Variants in PCDHGB4 observed in about 807,000 individuals in gnomAD.
PCDHGB4 encodes the protein protocadherin gamma-B4.
PCDHGB4 carries 38 observed loss-of-function variants against 60.5 expected under a neutral mutation model. That is an observed-to-expected ratio of 0.63 (90% CI 0.48 to 0.82). The LOEUF is 0.82. PCDHGB4 is among the 40% of genes least tolerant of loss of function. The pLI, the probability that PCDHGB4 is intolerant of heterozygous loss-of-function variation, is 0.00. For missense variants in PCDHGB4, 1,109 were observed against 1,209.6 expected (o/e 0.92, Z 1.23); for synonymous variants, 456 against 509.7 (o/e 0.89, Z 1.42).
At chr5:141,451,712 C>G (rs769620335) in intron 1 of PCDHGB4, among the ~76,000 whole-genome samples, 2 of 151,994 alleles carry the variant, frequency 1.3e-5, no homozygotes, top group African/African-American at 4.8e-5. Context: ...CAAAACCCTG[C>G]CTCTACTAAA....
intron 1 of PCDHGB4, among the ~76,000 whole-genome samples, chr5:141,401,860 A>G (rs2094201565): frequency 6.6e-6 from 1 of 152,182 alleles, no homozygotes. Flanking sequence ...TTAACCTTTC[A>G]GTAGTTTTCT....
Position 141,489,680 on chromosome 5 carries a change from C to T in PCDHGB4, c.2398-5127C>T, listed in dbSNP as rs758765306. On this transcript the variant is annotated intron_variant, in intron 1 of 3. Coordinates refer to ENST00000519479, the MANE Select transcript of PCDHGB4 (RefSeq NM_003736.4). This position sits in a 1 kb window ranked among gnomAD's most constrained non-coding sequence, Gnocchi z 4.5. ...GAGATGCGCATCTCAGAATCAGCAG[C>T]ATCTGGGGCACGATTCCCACTGGAC... 2 of 1,614,070 alleles carry T rather than the reference C, an allele frequency of 1.2e-6. No individual in the cohort carries two copies. The highest frequency in any genetic ancestry group is 2.2e-5 in the East Asian group (1 of 44,886).
intron 1 of PCDHGB4, among the ~76,000 whole-genome samples, chr5:141,459,014 T>G (rs1429233660): frequency 6.6e-6 from 1 of 152,240 alleles, no homozygotes; most frequent in Non-Finnish European, 1.5e-5. Flanking sequence ...ATTACAGGCA[T>G]GAGCCACCAC....
At chr5:141,391,803 G>A (rs953210867) in intron 1 of PCDHGB4, 5 of 152,172 alleles carry the variant, frequency 3.3e-5, no homozygotes, top group African/African-American at 1.2e-4. Flanking sequence ...TTAGATCAAA[G>A]TGTTAATGTA....
rs781267293 is a variant in PCDHGB4 at position 141,489,926 on chromosome 5, C to T, written c.2398-4881C>T. 1.2e-6 allele frequency: 2 copies of T among 1,614,222 alleles called. No individual in the cohort carries two copies. The highest frequency in any genetic ancestry group is 2.2e-5 in the East Asian group (1 of 44,878). On this transcript the variant is annotated intron_variant, in intron 1 of 3. Coordinates refer to ENST00000519479, the MANE Select transcript of PCDHGB4 (RefSeq NM_003736.4). The surrounding 1 kb of genome is among the most constrained non-coding windows in gnomAD (Gnocchi z 4.5). Reference sequence around the variant, plus strand: ...GCCCGCTCAGGGACCACCCTTATCTCTGTCATCGTGCTGGACATCAATGAT... The same window carrying T: ...GCCCGCTCAGGGACCACCCTTATCTTTGTCATCGTGCTGGACATCAATGAT...
Position 141,410,050 on chromosome 5 carries a change from C to T in PCDHGB4, c.2397+19769C>T, listed in dbSNP as rs762077790. ...TGCTGCAGGCCAGTGAGCCCGGACT[C>T]TTCAGCCTGGGGCTGCGCACTGGGG... On this transcript the variant is annotated intron_variant, in intron 1 of 3. Coordinates refer to ENST00000519479, the MANE Select transcript of PCDHGB4 (RefSeq NM_003736.4). The T allele has an allele frequency of 6.2e-6, 10 of 1,613,180 alleles. No homozygotes were observed. In the East Asian group the frequency reaches 1.6e-4, roughly 25 times the overall value.
Position 141,389,554 on chromosome 5 carries a change from C to T in PCDHGB4, c.1670C>T (p.Ala557Val). The T allele has an allele frequency of 1.2e-6, 2 of 1,613,184 alleles. No individual in the cohort carries two copies. Among genetic ancestry groups the T allele is most frequent in the South Asian group, 1.1e-5 (1 of 91,074 alleles). The change falls in exon 1 of 4, where the codon GCG (alanine) becomes GTG (valine). Residue 557 changes from alanine (A) to valine (V), a missense_variant. Around this residue, in one of 2 missense-constraint regions of PCDHGB4, gnomAD observed 1,068 missense variants for 1,089.9 expected, o/e 0.98. Coordinates refer to ENST00000519479, the MANE Select transcript of PCDHGB4 (RefSeq NM_003736.4). ...RVLVDDRNDN[A>V]PRVLYPALGP... ...TTAGTGGACGACCGCAACGACAATG[C>T]GCCACGGGTGCTGTACCCCGCGCTG... is the stretch of plus-strand genomic sequence containing the variant.
intron 1 of PCDHGB4, chr5:141,424,522 T>C (rs2096826398): frequency 6.6e-6 from 1 of 152,212 alleles, no homozygotes; most frequent in South Asian, 2.1e-4. Flanking sequence ...ATGTAGTAAA[T>C]CCATATATAG....
At chr5:141,403,901 A>G in intron 1 of PCDHGB4, 3 of 1,613,926 alleles carry the variant, frequency 1.9e-6, no homozygotes, top group Non-Finnish European at 2.5e-6. Context: ...ATTTTATGAA[A>G]TGGAAATACA....
At chr5:141,430,559 G>C in intron 1 of PCDHGB4, 1 of 418,772 alleles carries the variant, frequency 2.4e-6, no homozygotes. Flanking sequence ...CACCAATCGG[G>C]GAGAGAAAAG....
At chr5:141,510,450 T>G (rs1273211856) in intron 3 of PCDHGB4, among the ~76,000 whole-genome samples, 1 of 151,946 alleles carries the variant, frequency 6.6e-6, no homozygotes, top group Non-Finnish European at 1.5e-5. Flanking sequence ...CAGGAGCCCA[T>G]GGTCTAGTGT....
chr5:141,419,514 T>C (rs1180212485), intron 1 of PCDHGB4: 1 of 1,612,266 alleles, frequency 6.2e-7, no homozygotes, highest in Admixed American at 1.7e-5. Context: ...CGCGTGTTGG[T>C]GGGCGACCGT....
At position 141,425,978 on chromosome 5, in the gene PCDHGB4, A is replaced by T. The variant is rs182438141; in HGVS notation, c.2397+35697A>T. Among the ~76,000 whole-genome samples the T allele has an allele frequency of 3.9e-3, 592 of 152,340 alleles. 5 individuals carry two copies. Among genetic ancestry groups the T allele is most frequent in the African/African-American group, 0.014 (563 of 41,588 alleles). ...AGTCCAACACATCAGTCTAATTCTG[A>T]ATCCCATTGAATTAGCAAAGGCTTC... On this transcript the variant is annotated intron_variant, in intron 1 of 3. Coordinates refer to ENST00000519479, the MANE Select transcript of PCDHGB4 (RefSeq NM_003736.4).
chr5:141,485,134 C>T lies in PCDHGB4; in HGVS notation c.2398-9673C>T. The T allele has an allele frequency of 6.7e-7, 1 of 1,495,958 alleles. No homozygotes were observed. The highest frequency in any genetic ancestry group is 1.4e-5 in the African/African-American group (1 of 72,714). 92.7% of individuals were successfully genotyped at this position (1,495,958 alleles called of 1,614,324 possible). On this transcript the variant is annotated intron_variant, in intron 1 of 3. Transcript: ENST00000519479. The surrounding 1 kb of genome is among the most constrained non-coding windows in gnomAD (Gnocchi z 5.7). Reference sequence around the variant, plus strand: ...CTGTTTGGGGCGGGTCGGCTTCATCCGCGTCTCAGGAGCAAGTAGAGAATT... The same window carrying T: ...CTGTTTGGGGCGGGTCGGCTTCATCTGCGTCTCAGGAGCAAGTAGAGAATT...
At chr5:141,455,186 C>T (rs1436215310) in intron 1 of PCDHGB4, among the ~76,000 whole-genome samples, 3 of 151,542 alleles carry the variant, frequency 2.0e-5, no homozygotes, top group Non-Finnish European at 2.9e-5. Context: ...TTTTATTTCT[C>T]TACAAATTTA....
intron 2 of PCDHGB4, among the ~76,000 whole-genome samples, chr5:141,501,526 G>A (rs2099809738): frequency 6.6e-6 from 1 of 151,962 alleles, no homozygotes; most frequent in Non-Finnish European, 1.5e-5. Context: ...CTGAAGCCCA[G>A]TACGTTGTTG....
At chr5:141,484,912 T>G (rs1594427765) in intron 1 of PCDHGB4, 1 of 437,066 alleles carries the variant, frequency 2.3e-6, no homozygotes, top group East Asian at 4.0e-5. Flanking sequence ...TGCGACGCAT[T>G]AACCCTGCTG....
At chr5:141,395,359 G>T in intron 1 of PCDHGB4, 2 of 1,289,368 alleles carry the variant, frequency 1.6e-6, no homozygotes, top group East Asian at 5.1e-5. Flanking sequence ...CAGAGTTTTG[G>T]GTTTATTTTG....
intron 1 of PCDHGB4, among the ~76,000 whole-genome samples, chr5:141,454,628 A>C (rs1008375225): frequency 1.3e-4 from 19 of 151,334 alleles, no homozygotes; most frequent in African/African-American, 4.4e-4. Context: ...CTGGTCTCGA[A>C]CCCCCAACCT....
Sources: allele counts gnomAD v4.1 joint callset (sites outside exome capture counted in the v4.1 genomes callset), GRCh38; gene constraint gnomAD v4.1.1; regional missense constraint gnomAD v4.1.1; non-coding constraint Gnocchi (gnomAD v3.1); transcripts MANE v1.5; gene names NCBI Gene and HGNC (gene_info 2026-07-23, HGNC 2026-07-21).